Variants in DRC8 observed in about 807,000 individuals in gnomAD.
DRC8 encodes the protein dynein regulatory complex protein 8.
chr1:245,011,736 C>T, the DRC8 span, among the ~76,000 whole-genome samples: 4 of 152,118 alleles, frequency 2.6e-5, no homozygotes, highest in South Asian at 2.1e-4. Flanking sequence ...AAAAGAGACT[C>T]GATGATCAAG....
chr1:245,004,124 T>C, the DRC8 span, among the ~76,000 whole-genome samples: 5 of 152,120 alleles, frequency 3.3e-5, no homozygotes, highest in African/African-American at 1.2e-4. Context: ...TGTGTGGCCC[T>C]GGCTAGTCTC....
At chr1:245,062,870 C>T in the DRC8 span, among the ~76,000 whole-genome samples, 107 of 152,340 alleles carry the variant, frequency 7.0e-4, no homozygotes, top group Non-Finnish European at 1.2e-3. Flanking sequence ...TATGAGGCCT[C>T]TTAACTTCTG....
chr1:244,970,239 G>C, the DRC8 span: 4 of 701,550 alleles, frequency 5.7e-6, no homozygotes, highest in South Asian at 1.5e-5. Flanking sequence ...GGCGCGAAAC[G>C]GGGACAGGGC....
chr1:245,019,760 T>A, the DRC8 span, among the ~76,000 whole-genome samples: 1 of 152,104 alleles, frequency 6.6e-6, no homozygotes, highest in Non-Finnish European at 1.5e-5. Context: ...CTGGCCAACA[T>A]GGTGAAACCT....
At chr1:245,029,145 C>T in the DRC8 span, among the ~76,000 whole-genome samples, 2 of 152,208 alleles carry the variant, frequency 1.3e-5, no homozygotes, top group Non-Finnish European at 2.9e-5. Context: ...CCAGGCTTTA[C>T]AGATGGGAGT....
chr1:245,077,951 C>A, the DRC8 span, among the ~76,000 whole-genome samples: 4 of 151,304 alleles, frequency 2.6e-5, no homozygotes, highest in Non-Finnish European at 5.9e-5. Context: ...TGTTGCAAAC[C>A]ATACATTTGA....
chr1:245,066,864 G>A, the DRC8 span, among the ~76,000 whole-genome samples: 4 of 151,858 alleles, frequency 2.6e-5, no homozygotes, highest in Non-Finnish European at 5.9e-5. Flanking sequence ...CCGAGATTGC[G>A]CCAGTGCACT....
chr1:244,978,197 A>G, the DRC8 span, among the ~76,000 whole-genome samples: 1 of 152,154 alleles, frequency 6.6e-6, no homozygotes, highest in South Asian at 2.1e-4. Context: ...TTTATTTTTT[A>G]AGAGATGAGA....
At chr1:245,020,060 C>G in the DRC8 span, among the ~76,000 whole-genome samples, 1 of 146,348 alleles carries the variant, frequency 6.8e-6, no homozygotes, top group Non-Finnish European at 1.5e-5. Context: ...GAGACGCCCC[C>G]CGCCCCCAGG....
the DRC8 span, among the ~76,000 whole-genome samples, chr1:245,041,157 G>A: frequency 1.3e-5 from 2 of 152,182 alleles, no homozygotes; most frequent in Non-Finnish European, 2.9e-5. Flanking sequence ...GCTGTGTGAA[G>A]CAGGGGAGAG....
the DRC8 span, among the ~76,000 whole-genome samples, chr1:244,998,859 C>T: frequency 1.6e-3 from 239 of 152,010 alleles, 2 homozygotes; most frequent in African/African-American, 5.6e-3. Context: ...TTTATATTAC[C>T]TGCTTAGGAT....
At chr1:245,116,788 C>T in the DRC8 span, among the ~76,000 whole-genome samples, 4 of 152,138 alleles carry the variant, frequency 2.6e-5, no homozygotes, top group South Asian at 4.1e-4. Context: ...ACTAAATACA[C>T]GGAAGAGCTG....
the DRC8 span, among the ~76,000 whole-genome samples, chr1:245,032,265 A>G: frequency 8.5e-5 from 13 of 152,162 alleles, no homozygotes; most frequent in Non-Finnish European, 1.9e-4. Flanking sequence ...TTTTATCTTT[A>G]AAGGGGTTAG....
chr1:245,015,989 T>TTG, the DRC8 span, among the ~76,000 whole-genome samples: 4 of 147,448 alleles, frequency 2.7e-5, no homozygotes, highest in African/African-American at 1.0e-4. Flanking sequence ...TTTTTTTTTT[T>TTG]TGAGATGGAG....
the DRC8 span, among the ~76,000 whole-genome samples, chr1:244,993,358 C>T: frequency 4.6e-5 from 7 of 152,182 alleles, no homozygotes; most frequent in African/African-American, 1.7e-4. Context: ...AATGGGCCTT[C>T]CGTCCCATTA....
chr1:245,088,333 C>CAT, the DRC8 span, among the ~76,000 whole-genome samples: 2 of 151,940 alleles, frequency 1.3e-5, no homozygotes, highest in African/African-American at 4.8e-5. This position sits in a 1 kb window ranked among gnomAD's most constrained non-coding sequence, Gnocchi z 4.6. Context: ...CACACACACA[C>CAT]ACACACACAC....
the DRC8 span, among the ~76,000 whole-genome samples, chr1:245,073,260 C>T: frequency 2.6e-5 from 4 of 152,032 alleles, no homozygotes; most frequent in South Asian, 4.2e-4. Flanking sequence ...CTCAGCCTCC[C>T]GAGTAGCTGG....
the DRC8 span, among the ~76,000 whole-genome samples, chr1:245,028,146 C>T: frequency 1.3e-5 from 2 of 152,188 alleles, no homozygotes; most frequent in Non-Finnish European, 1.5e-5. Context: ...TGCTCAGCCT[C>T]CCAAAGTGTT....
At chr1:245,037,540 A>G in the DRC8 span, among the ~76,000 whole-genome samples, 3 of 152,222 alleles carry the variant, frequency 2.0e-5, no homozygotes, top group Non-Finnish European at 4.4e-5. Flanking sequence ...AGGCACAAAC[A>G]GCATTTTCAT....
Sources: gnomAD v4.1 joint callset for allele counts (sites outside exome capture counted in the v4.1 genomes callset) on GRCh38, gnomAD v4.1.1 for gene constraint, Gnocchi (gnomAD v3.1) non-coding constraint, MANE v1.5 for transcripts, NCBI Gene and HGNC (gene_info 2026-07-23, HGNC 2026-07-21) for gene names.